The following SCMH1 variants were observed in gnomAD, a reference collection of about 807,000 sequenced individuals.
The protein encoded by SCMH1 is polycomb protein SCMH1.
A neutral mutation model predicts 70.8 loss-of-function variants in SCMH1; 37 were observed. The observed-to-expected ratio is 0.52, with a 90% CI of 0.40 to 0.69. The LOEUF (loss-of-function observed/expected upper bound fraction) is 0.69, where lower values mean the gene tolerates loss of function less well. SCMH1 is among the 30% of genes least tolerant of loss of function. The pLI, the probability that SCMH1 is intolerant of heterozygous loss-of-function variation, is 0.00. For synonymous variants in SCMH1, 292 were observed against 307.4 expected (o/e 0.95, Z 0.52); for missense variants, 607 against 827.3 (o/e 0.73, Z 3.27).
At chr1:41,046,644 A>G (rs1196748925) in intron 11 of SCMH1, 46 bp from the exon 12 acceptor site, 1 of 1,484,120 alleles carries the variant, frequency 6.7e-7, no homozygotes, top group Non-Finnish European at 9.4e-7. Flanking sequence ...CTGGCAGTGG[A>G]GTACAGCGCT....
chr1:41,173,187 A>G (rs969060212), intron 2 of SCMH1, among the ~76,000 whole-genome samples: 1 of 152,120 alleles, frequency 6.6e-6, no homozygotes, highest in Admixed American at 6.5e-5. Flanking sequence ...TATGTAAGCT[A>G]TTAATCCAAT....
rs536927598 is a variant in SCMH1, at chr1:41,113,045, T to G, written c.745+238A>C. Among the ~76,000 whole-genome samples, 1 of 152,316 alleles carries G rather than the reference T, an allele frequency of 6.6e-6. No individual in the cohort carries two copies. Among genetic ancestry groups the G allele is most frequent in the South Asian group, 2.1e-4 (1 of 4,822 alleles). On this transcript the variant is annotated intron_variant, in intron 8 of 14. Transcript: ENST00000337495. This position sits in a 1 kb window ranked among gnomAD's most constrained non-coding sequence, Gnocchi z 4.3. ...GGTTGCCTGAGAATAAACCAGGATATGTAGAGCAAAGAATTATTACTTTAT... is the reference window on the plus strand; with the variant it reads ...GGTTGCCTGAGAATAAACCAGGATAGGTAGAGCAAAGAATTATTACTTTAT...
chr1:41,238,075 A>C (rs747699343), intron 1 of SCMH1, among the ~76,000 whole-genome samples: 5 of 152,240 alleles, frequency 3.3e-5, no homozygotes, highest in Non-Finnish European at 7.3e-5. Context: ...AAGCTCACAG[A>C]GGCTAAATAA....
At chr1:41,032,073 A>C (rs558901999) in intron 13 of SCMH1, among the ~76,000 whole-genome samples, 31 of 152,126 alleles carry the variant, frequency 2.0e-4, no homozygotes, top group Admixed American at 5.2e-4. Context: ...CTGTCTATGA[A>C]CCAGGAAGTG....
Position 41,227,931 on chromosome 1 carries a change from A to G in SCMH1, c.-118+14128T>C, listed in dbSNP as rs561462312. Among the ~76,000 whole-genome samples the G allele has an allele frequency of 3.3e-5, 5 of 152,222 alleles. No homozygotes were observed. The East Asian group carries it at 9.6e-4, about 29-fold the overall frequency. ...AGGTGGAGGTTGCAGTGAGCTGGTGAGCTGAGATTGCACCATTGCACTCCT... is the reference window on the plus strand; with the variant it reads ...AGGTGGAGGTTGCAGTGAGCTGGTGGGCTGAGATTGCACCATTGCACTCCT... On this transcript the variant is annotated intron_variant, in intron 1 of 14. Transcript: ENST00000337495.
intron 10 of SCMH1, 120 bp from the exon 11 acceptor site, chr1:41,049,010 C>A: frequency 1.1e-6 from 1 of 917,092 alleles, no homozygotes; most frequent in South Asian, 1.7e-5. Context: ...TTCCTAGCAG[C>A]TGAGCTGGTG....
chr1:41,233,701 T>C (rs1022243308), intron 1 of SCMH1, among the ~76,000 whole-genome samples: 1 of 152,206 alleles, frequency 6.6e-6, no homozygotes, highest in Non-Finnish European at 1.5e-5. Flanking sequence ...TGATCTTCTC[T>C]TTTTAGGATT....
intron 8 of SCMH1, among the ~76,000 whole-genome samples, chr1:41,097,198 GTCT>G (rs1337064988): frequency 3.3e-5 from 5 of 152,168 alleles, no homozygotes; most frequent in Non-Finnish European, 1.5e-5. Flanking sequence ...TGGACAACTA[GTCT>G]TCTTAATTTG....
chr1:41,053,847 GT>G (rs961321800), intron 10 of SCMH1, among the ~76,000 whole-genome samples: 5 of 149,284 alleles, frequency 3.3e-5, no homozygotes, highest in African/African-American at 9.9e-5. Flanking sequence ...TTTTTGTTTT[GT>G]TTTTTTTTGT....
At chr1:41,165,921 T>C (rs1046205615) in intron 2 of SCMH1, among the ~76,000 whole-genome samples, 4 of 152,154 alleles carry the variant, frequency 2.6e-5, no homozygotes, top group African/African-American at 9.6e-5. Context: ...TTATTGCTTA[T>C]GCTTTTGGGT....
chr1:41,209,746 C>T (rs1374547392), intron 1 of SCMH1, among the ~76,000 whole-genome samples: 2 of 152,110 alleles, frequency 1.3e-5, no homozygotes, highest in Non-Finnish European at 2.9e-5. Context: ...TATGACAAAC[C>T]CACAGCCAAT....
chr1:41,108,418 G>A (rs1213036579), intron 8 of SCMH1, among the ~76,000 whole-genome samples: 1 of 152,114 alleles, frequency 6.6e-6, no homozygotes, highest in South Asian at 2.1e-4. Flanking sequence ...GATGGCTAAA[G>A]GTATGATTAG....
intron 9 of SCMH1, among the ~76,000 whole-genome samples, chr1:41,074,056 AGCT>A (rs1198224942): frequency 2.0e-5 from 3 of 150,614 alleles, no homozygotes; most frequent in Non-Finnish European, 3.0e-5. Flanking sequence ...GCCCTAGAGA[AGCT>A]GCTGACAGAA....
At chr1:41,049,492 C>G (rs1413212432) in intron 10 of SCMH1, among the ~76,000 whole-genome samples, 2 of 151,564 alleles carry the variant, frequency 1.3e-5, no homozygotes, top group African/African-American at 4.8e-5. Context: ...AAAAGTTGGG[C>G]TGGGCGTGGT....
At chr1:41,091,702 T>C (rs891813353) in intron 8 of SCMH1, among the ~76,000 whole-genome samples, 1 of 152,262 alleles carries the variant, frequency 6.6e-6, no homozygotes, top group East Asian at 1.9e-4. Flanking sequence ...GGATACAAAA[T>C]CACAAGCATT....
chr1:41,105,746 A>G (rs1353272586), intron 8 of SCMH1, among the ~76,000 whole-genome samples: 2 of 151,972 alleles, frequency 1.3e-5, no homozygotes, highest in Non-Finnish European at 2.9e-5. Context: ...TCTCACCTGG[A>G]ATATTATAAC....
At chr1:41,199,757 A>C (rs942760238) in intron 1 of SCMH1, among the ~76,000 whole-genome samples, 14 of 151,792 alleles carry the variant, frequency 9.2e-5, no homozygotes, top group African/African-American at 3.1e-4. Context: ...GATGCTGAAA[A>C]CTTCCTATTG....
intron 7 of SCMH1, among the ~76,000 whole-genome samples, chr1:41,116,227 G>A (rs540644590): frequency 2.6e-5 from 4 of 152,308 alleles, no homozygotes; most frequent in Admixed American, 2.6e-4. Flanking sequence ...ATAAGTGCTA[G>A]GTAATTCAGA....
At position 41,124,934 on chromosome 1, in the gene SCMH1, T is replaced by C. The variant is rs1050215040; in HGVS notation, c.413-7924A>G. Reference sequence around the variant, plus strand: ...GATTTGATAAAAAATATTATACAGGTGATGTGGAGTATTTCTCATTGCAAT... The same window carrying C: ...GATTTGATAAAAAATATTATACAGGCGATGTGGAGTATTTCTCATTGCAAT... On this transcript the variant is annotated intron_variant, in intron 6 of 14. Coordinates refer to ENST00000337495, the Ensembl canonical transcript of SCMH1. Among the ~76,000 whole-genome samples the C allele has an allele frequency of 2.0e-5, 3 of 152,194 alleles. No homozygotes were observed. The East Asian group carries it at 5.8e-4, about 29-fold the overall frequency.
Sources: gnomAD v4.1 joint callset for allele counts (sites outside exome capture counted in the v4.1 genomes callset) on GRCh38, gnomAD v4.1.1 for gene constraint, Gnocchi (gnomAD v3.1) non-coding constraint, MANE v1.5 for transcripts, NCBI Gene and HGNC (gene_info 2026-07-23, HGNC 2026-07-21) for gene names.